CCDC18: variants seen among roughly 807,000 people sequenced by gnomAD.
CCDC18 encodes coiled-coil domain-containing protein 18.
In CCDC18, 157 loss-of-function variants were observed where a neutral mutation model predicts 196.0. The ratio of observed to expected loss-of-function variants is 0.80; its 90% CI spans 0.70 to 0.91. The LOEUF (loss-of-function observed/expected upper bound fraction) is 0.91, where lower values mean the gene tolerates loss of function less well. CCDC18 is among the 40% of genes least tolerant of loss of function. The pLI, the probability that CCDC18 is intolerant of heterozygous loss-of-function variation, is 0.00. For synonymous variants in CCDC18, 482 were observed against 529.2 expected (o/e 0.91, Z 1.22); for missense variants, 1,465 against 1,611.6 (o/e 0.91, Z 1.56).
intron 23 of CCDC18, among the ~76,000 whole-genome samples, chr1:93,252,491 TGTTAA>T (rs1406067731): frequency 4.6e-5 from 7 of 152,122 alleles, no homozygotes; most frequent in Non-Finnish European, 7.3e-5. Context: ...TTTTATTCTC[TGTTAA>T]GTTTTTTTGA....
intron 28 of CCDC18, among the ~76,000 whole-genome samples, chr1:93,277,390 C>T (rs1463689933): frequency 1.4e-5 from 1 of 69,790 alleles, no homozygotes; most frequent in African/African-American, 1.2e-4. Context: ...ATATTTCAGA[C>T]TATCACATGG....
chr1:93,193,263 T>C (rs1281721262), intron 5 of CCDC18, among the ~76,000 whole-genome samples: 1 of 152,168 alleles, frequency 6.6e-6, no homozygotes, highest in Non-Finnish European at 1.5e-5. Context: ...TACCTTTTCA[T>C]ATTTGCTTTT....
intron 9 of CCDC18, among the ~76,000 whole-genome samples, chr1:93,210,545 C>T (rs1655449357): frequency 6.6e-6 from 1 of 151,990 alleles, no homozygotes; most frequent in Non-Finnish European, 1.5e-5. Context: ...TACTGTTTGC[C>T]ACTATAATTT....
chr1:93,194,867 TTTG>T (rs955537306), intron 6 of CCDC18, among the ~76,000 whole-genome samples: 7 of 152,080 alleles, frequency 4.6e-5, no homozygotes, highest in East Asian at 1.9e-4. Context: ...GAGTATTGAC[TTTG>T]TTGTTGTTGT....
Position 93,226,315 on chromosome 1 carries a change from G to GTTTTTT in CCDC18, c.2176-18_2176-17insTTTTTT. On this transcript the variant is annotated splice_polypyrimidine_tract_variant and intron_variant, in intron 16 of 28. Transcript: ENST00000690025. Reference sequence around the variant, plus strand: ...CGTTTTGTGTTTTTTTTTTTTTTTTGCTTTTTTTCCTGCTTAGGTTAGGCA... The same window carrying GTTTTTT: ...CGTTTTGTGTTTTTTTTTTTTTTTTGTTTTTTCTTTTTTTCCTGCTTAGGTTAGGCA... 9 of 356,552 alleles carry GTTTTTT rather than the reference G, an allele frequency of 2.5e-5. No homozygotes were observed. The highest frequency in any genetic ancestry group is 1.2e-4 in the South Asian group (2 of 16,454). The allele number at this position is 356,552 out of a possible 1,614,324, so 22.1% of individuals were successfully genotyped here.
intron 14 of CCDC18, 92 bp downstream of exon 14, chr1:93,217,961 G>A: frequency 9.2e-7 from 1 of 1,089,972 alleles, no homozygotes; most frequent in Non-Finnish European, 1.3e-6. Context: ...AGGACACAAA[G>A]ATACACAAAA....
intron 4 of CCDC18, among the ~76,000 whole-genome samples, chr1:93,187,392 G>A (rs1228095675): frequency 1.3e-5 from 2 of 151,884 alleles, no homozygotes; most frequent in African/African-American, 4.8e-5. Context: ...GTACACACAT[G>A]TATAATACTC....
chr1:93,192,039 G>T lies in CCDC18; in HGVS notation c.502G>T (p.Val168Phe). ...GTCTGCTCAACAGCAGGCAGCCAGT[G>T]TCCCAATCTTAGAAGAACAGATTAT... ...LESAQQQAAS[V>F]PILEEQIINL... Residue 168 changes from valine (V) to phenylalanine (F), a missense_variant, in exon 5 of 29, where the codon GTC becomes TTC. Physicochemically the swap from Val to Phe is conservative, Grantham distance 50. Transcript: ENST00000690025. The T allele has an allele frequency of 6.2e-7, 1 of 1,613,954 alleles. No homozygotes were observed. The highest frequency in any genetic ancestry group is 8.5e-7 in the Non-Finnish European group (1 of 1,179,876).
intron 8 of CCDC18, among the ~76,000 whole-genome samples, chr1:93,206,380 C>T (rs1358024628): frequency 6.6e-6 from 1 of 152,092 alleles, no homozygotes; most frequent in Admixed American, 6.5e-5. Context: ...CACTATGATG[C>T]AATCCTTTAT....
At chr1:93,248,250 T>A (rs959299383) in intron 23 of CCDC18, among the ~76,000 whole-genome samples, 10 of 151,508 alleles carry the variant, frequency 6.6e-5, no homozygotes, top group East Asian at 5.9e-4. Context: ...CCTGACCTCA[T>A]GACTTCACAC....
At chr1:93,259,594 A>AC in intron 26 of CCDC18, among the ~76,000 whole-genome samples, 1 of 152,174 alleles carries the variant, frequency 6.6e-6, no homozygotes, top group South Asian at 2.1e-4. Flanking sequence ...TTTGTGAGTG[A>AC]TTGGTAGGGC....
rs890074818 is a variant in CCDC18, at chr1:93,198,988, A to G, written c.699-2904A>G. Among the ~76,000 whole-genome samples, 6 of 152,304 alleles carry G rather than the reference A, an allele frequency of 3.9e-5. No homozygotes were observed. In the East Asian group the frequency reaches 1.2e-3, roughly 29 times the overall value. ...AATGTATTTGGGGTTTGTTTTAATC[A>G]GGTATGGTAAGATACAGACACAGGA... On this transcript the variant is annotated intron_variant, in intron 6 of 28. Transcript: ENST00000690025.
chr1:93,265,828 C>A (rs980433359), intron 27 of CCDC18, among the ~76,000 whole-genome samples: 2 of 152,170 alleles, frequency 1.3e-5, no homozygotes, highest in African/African-American at 4.8e-5. Flanking sequence ...GACTTAGACT[C>A]CCACACAATA....
chr1:93,263,512 G>A (rs1337204826), intron 26 of CCDC18, among the ~76,000 whole-genome samples: 3 of 152,050 alleles, frequency 2.0e-5, no homozygotes, highest in Non-Finnish European at 4.4e-5. Context: ...CTCTGGGGTG[G>A]GGGCAAAATG....
chr1:93,190,785 T>C (rs187186984), intron 4 of CCDC18: 11 of 669,292 alleles, frequency 1.6e-5, no homozygotes, highest in Non-Finnish European at 2.2e-5. Context: ...CTCCTCCCAG[T>C]TGAGAAAGCT....
intron 21 of CCDC18, among the ~76,000 whole-genome samples, chr1:93,244,379 A>G (rs1012154108): frequency 6.6e-6 from 1 of 152,226 alleles, no homozygotes; most frequent in Non-Finnish European, 1.5e-5. Context: ...CATACAAAGA[A>G]TATTATTCAG....
rs749104976 is a variant in CCDC18, at chr1:93,212,133, A to G, written c.1367A>G (p.Gln456Arg). 1 of 1,605,134 alleles carries G rather than the reference A, an allele frequency of 6.2e-7. No individual in the cohort carries two copies. The highest frequency in any genetic ancestry group is 8.5e-7 in the Non-Finnish European group (1 of 1,177,874). The change falls in exon 11 of 29, where the codon CAA becomes CGA. Residue 456 changes from glutamine to arginine, a missense_variant. Coordinates refer to ENST00000690025, the MANE Select transcript of CCDC18 (RefSeq NM_001378204.1). ...CTTGCAATAAAAGAGGCAGAAATTC[A>G]AAAGCTTCATGCAAACCTGACTGCA... Reference protein sequence around the residue: ...IKLAIKEAEIQKLHANLTANQ... With the variant: ...IKLAIKEAEIRKLHANLTANQ...
At chr1:93,180,888 C>CGACTTT in intron 1 of CCDC18, 36 bp downstream of exon 1, 1 of 1,364,534 alleles carries the variant, frequency 7.3e-7, no homozygotes, top group South Asian at 1.1e-5. Context: ...GGGTGGTGAG[C>CGACTTT]GACTGCGCCT....
At chr1:93,220,873 G>A (rs936984751) in intron 14 of CCDC18, among the ~76,000 whole-genome samples, 1 of 152,056 alleles carries the variant, frequency 6.6e-6, no homozygotes. Context: ...AAGTGAGTAC[G>A]TGCAGTATTT....
Sources: allele counts gnomAD v4.1 joint callset (sites outside exome capture counted in the v4.1 genomes callset), GRCh38; gene constraint gnomAD v4.1.1; transcripts MANE v1.5; gene names NCBI Gene and HGNC (gene_info 2026-07-23, HGNC 2026-07-21).